ZPLD1: variants seen among roughly 807,000 people sequenced by gnomAD.
ZPLD1 encodes the protein zona pellucida like domain containing 1.
ZPLD1 carries 34 observed loss-of-function variants against 47.2 expected under a neutral mutation model. The ratio of observed to expected loss-of-function variants is 0.72; its 90% CI spans 0.55 to 0.96. ZPLD1 has a LOEUF of 0.96. ZPLD1 is among the 40% of genes least tolerant of loss of function. ZPLD1 has a pLI of 0.00. For missense variants in ZPLD1, 512 were observed against 505.8 expected, an observed-to-expected ratio of 1.01 and a Z score of -0.12; for synonymous variants, 176 against 186.2, an observed-to-expected ratio of 0.95 and a Z score of 0.45.
intron 6 of ZPLD1, 45 bp from the exon 7 acceptor site, chr3:102,462,236 G>T (rs1576162508): frequency 8.0e-7 from 1 of 1,248,292 alleles, no homozygotes; most frequent in Non-Finnish European, 1.2e-6. Flanking sequence ...TAAGTGTGCT[G>T]TTGTTGGGGA....
intron 3 of ZPLD1, among the ~76,000 whole-genome samples, chr3:102,449,526 G>A (rs918870315): frequency 9.2e-5 from 14 of 152,056 alleles, no homozygotes; most frequent in Admixed American, 1.3e-4. Flanking sequence ...AATCTCACGC[G>A]ATTCAGCTCC....
Position 102,438,593 on chromosome 3 carries a change from G to T in ZPLD1, c.106G>T (p.Ala36Ser), listed in dbSNP as rs868030139. 19 of 1,609,030 alleles carry T rather than the reference G, an allele frequency of 1.2e-5. No individual in the cohort carries two copies. Among genetic ancestry groups the T allele is most frequent in the Non-Finnish European group, 1.3e-5 (15 of 1,175,510 alleles). The change falls in exon 3 of 12, where the codon GCT becomes TCT. Residue 36 changes from alanine (A) to serine (S), a missense_variant and splice_region_variant. Ala to Ser is a moderately conservative substitution (Grantham distance 99). Transcript: ENST00000466937. ...CDANLHSRFP[A>S]ERDISVYCGV... ...TGCCAACCTCCACAGTAGATTTCCT[G>T]GTAAGTGTAAGCCTAATCTATTCTC...
chr3:102,398,730 A>G (rs538170441), intron 7 of ZPLD1, among the ~76,000 whole-genome samples: 1 of 152,300 alleles, frequency 6.6e-6, no homozygotes, highest in Non-Finnish European at 1.5e-5. Flanking sequence ...GAGCATATTT[A>G]GTAAAGATCA....
intron 3 of ZPLD1, among the ~76,000 whole-genome samples, chr3:102,452,457 G>C (rs1707352702): frequency 6.6e-6 from 1 of 152,096 alleles, no homozygotes; most frequent in African/African-American, 2.4e-5. Flanking sequence ...AAATGCCAAA[G>C]TACTTGACAA....
Position 102,394,273 on chromosome 3 carries a change from G to A in ZPLD1, c.-157+2048G>A, listed in dbSNP as rs546423262. ...GACATGACAATAATGCAACATTAAG[G>A]TTATACATTTAAACATAGAAGTCAG... On this transcript the variant is annotated intron_variant, in intron 7 of 17. Coordinates refer to the ZPLD1 transcript ENST00000491959. Among the ~76,000 whole-genome samples the A allele has an allele frequency of 3.3e-5, 5 of 152,222 alleles. No individual in the cohort carries two copies. In the South Asian group the frequency reaches 1.0e-3, roughly 32 times the overall value.
chr3:102,411,529 T>C (rs1398689733), intron 7 of ZPLD1, among the ~76,000 whole-genome samples: 2 of 151,792 alleles, frequency 1.3e-5, no homozygotes, highest in Non-Finnish European at 2.9e-5. Flanking sequence ...GTAACTCTTA[T>C]ATGGATTGAA....
chr3:102,409,372 C>T (rs1706725905), intron 7 of ZPLD1, among the ~76,000 whole-genome samples: 1 of 151,728 alleles, frequency 6.6e-6, no homozygotes, highest in South Asian at 2.1e-4. Flanking sequence ...TTGGTCACCT[C>T]TGATAAACAC....
intron 7 of ZPLD1, among the ~76,000 whole-genome samples, chr3:102,414,353 G>A (rs1706780384): frequency 6.6e-6 from 1 of 151,790 alleles, no homozygotes; most frequent in Non-Finnish European, 1.5e-5. Context: ...TATCCAGTTT[G>A]TGGCTTTCAA....
At chr3:102,441,219 G>A (rs1559752361) in intron 3 of ZPLD1, among the ~76,000 whole-genome samples, 1 of 152,118 alleles carries the variant, frequency 6.6e-6, no homozygotes, top group East Asian at 1.9e-4. Context: ...GGTGAATAAG[G>A]CATGTTAAAG....
intron 8 of ZPLD1, among the ~76,000 whole-genome samples, chr3:102,426,902 C>T (rs1174587553): frequency 2.6e-5 from 4 of 152,030 alleles, no homozygotes; most frequent in Non-Finnish European, 4.4e-5. Context: ...TTTAGTTGTC[C>T]TTTTATATTA....
At chr3:102,409,859 G>A (rs144006811) in intron 7 of ZPLD1, among the ~76,000 whole-genome samples, 1 of 151,890 alleles carries the variant, frequency 6.6e-6, no homozygotes, top group Non-Finnish European at 1.5e-5. Context: ...GGATCACATG[G>A]TTCAAGTGTG....
chr3:102,431,763 GC>G (rs1194559861), upstream of ZPLD1, among the ~76,000 whole-genome samples: 1 of 152,132 alleles, frequency 6.6e-6, no homozygotes, highest in Non-Finnish European at 1.5e-5. Flanking sequence ...ACAAAAATTA[GC>G]TGGACGTGGT....
At chr3:102,429,545 G>C (rs1430071201) in intron 8 of ZPLD1, among the ~76,000 whole-genome samples, 1 of 152,054 alleles carries the variant, frequency 6.6e-6, no homozygotes, top group African/African-American at 2.4e-5. Context: ...CTGGATTGGG[G>C]GGGAAAGTTA....
chr3:102,437,765 T>C (rs1307757791), intron 2 of ZPLD1, among the ~76,000 whole-genome samples: 1 of 152,220 alleles, frequency 6.6e-6, no homozygotes, highest in Non-Finnish European at 1.5e-5. Context: ...AAAAAAATCT[T>C]CCATTACTTT....
intron 8 of ZPLD1, among the ~76,000 whole-genome samples, chr3:102,424,599 A>T (rs1706919582): frequency 6.6e-6 from 1 of 152,034 alleles, no homozygotes; most frequent in Non-Finnish European, 1.5e-5. Context: ...GGGTGGGGAG[A>T]TTCGGCCCAT....
At chr3:102,463,883 C>CA (rs1211126564) in intron 7 of ZPLD1, among the ~76,000 whole-genome samples, 14,834 of 110,088 alleles carry the variant, frequency 0.13, 908 homozygotes, top group African/African-American at 0.17. Context: ...ATTAAAAATA[C>CA]AAAAAAAAAA....
intron 6 of ZPLD1, among the ~76,000 whole-genome samples, chr3:102,458,993 G>C (rs934623757): frequency 1.3e-5 from 2 of 150,740 alleles, no homozygotes; most frequent in Non-Finnish European, 2.9e-5. Flanking sequence ...GGGAGGCTGA[G>C]GCAGGAGAAT....
chr3:102,426,387 G>T (rs916604686), intron 8 of ZPLD1, among the ~76,000 whole-genome samples: 1 of 151,942 alleles, frequency 6.6e-6, no homozygotes, highest in African/African-American at 2.4e-5. Context: ...GTGTGGTGGT[G>T]CATGCCTATA....
Position 102,436,989 on chromosome 3 carries a change from T to C in ZPLD1, c.-9+16T>C, listed in dbSNP as rs1325318097. ...TGGAATAAATGTGGGTGCAGTGGAG[T>C]GTATTGCTTATTCAGGCTTCTTTCT... On this transcript the variant is annotated intron_variant, in intron 2 of 11. Coordinates refer to ENST00000466937, the MANE Select transcript of ZPLD1 (RefSeq NM_001329788.2). 27 of 956,360 alleles carry C rather than the reference T, an allele frequency of 2.8e-5. No individual in the cohort carries two copies. The highest frequency in any genetic ancestry group is 3.4e-5 in the Non-Finnish European group (27 of 803,572). The allele number at this position is 956,360 out of a possible 1,614,324, so 59.2% of individuals were successfully genotyped here. A position where few individuals can be genotyped will look rare whatever the true frequency, so the allele number is the denominator to read the frequency against.
Sources: gnomAD v4.1 joint callset for allele counts (sites outside exome capture counted in the v4.1 genomes callset) on GRCh38, gnomAD v4.1.1 for gene constraint, MANE v1.5 for transcripts, NCBI Gene and HGNC (gene_info 2026-07-23, HGNC 2026-07-21) for gene names.